The following SSUH2 variants were observed in gnomAD, a reference collection of about 807,000 sequenced individuals.
The protein encoded by SSUH2 is protein SSUH2 homolog.
A neutral mutation model predicts 55.3 loss-of-function variants in SSUH2; 47 were observed. That is an observed-to-expected ratio of 0.85 (90% CI 0.67 to 1.08). The LOEUF is 1.08. Ranked by LOEUF, SSUH2 falls within the 50% of genes least tolerant of loss-of-function variation. The probability of loss-of-function intolerance (pLI) is 0.00; values close to 1 mark genes in which losing one functional copy is unlikely to be tolerated. For missense variants in SSUH2, 535 were observed against 490.7 expected, an observed-to-expected ratio of 1.09 and a Z score of -0.85; for synonymous variants, 212 against 191.5, an observed-to-expected ratio of 1.11 and a Z score of -0.89.
intron 5 of SSUH2, 81 bp downstream of exon 5, chr3:8,631,968 C>A: frequency 8.8e-7 from 1 of 1,134,234 alleles, no homozygotes; most frequent in Non-Finnish European, 1.3e-6. Context: ...GAGATGAGTG[C>A]CTGAGCCAAG....
intron 3 of SSUH2, chr3:8,634,684 G>A (rs1180560272): frequency 2.2e-6 from 2 of 908,626 alleles, no homozygotes; most frequent in South Asian, 1.4e-5. Context: ...GGAGAAGGGG[G>A]TTGCTTCTGG....
At chr3:8,678,891 G>GC (rs1705680631) in intron 2 of SSUH2, among the ~76,000 whole-genome samples, 5 of 115,242 alleles carry the variant, frequency 4.3e-5, no homozygotes, top group Non-Finnish European at 1.0e-4. Context: ...CCCATTGCAA[G>GC]GGAGGGAGGC....
At chr3:8,634,384 T>C (rs1369566077) in intron 3 of SSUH2, 25 of 1,291,246 alleles carry the variant, frequency 1.9e-5, no homozygotes, top group Non-Finnish European at 2.5e-5. Flanking sequence ...CCTGAGGCCA[T>C]GCCACCCCCT....
chr3:8,628,956 C>A (rs923017537), intron 7 of SSUH2, among the ~76,000 whole-genome samples: 1 of 152,232 alleles, frequency 6.6e-6, no homozygotes, highest in Non-Finnish European at 1.5e-5. Flanking sequence ...CCTGGGTTCA[C>A]GCCTGTCTCC....
chr3:8,681,369 T>C (rs115906311), intron 1 of SSUH2, among the ~76,000 whole-genome samples: 9,226 of 116,284 alleles, frequency 0.079, 333 homozygotes, highest in African/African-American at 0.11. Context: ...GCCCCTTTTT[T>C]CCCCTGGCTC....
intron 7 of SSUH2, among the ~76,000 whole-genome samples, chr3:8,653,198 C>T (rs1702600830): frequency 6.6e-6 from 1 of 152,248 alleles, no homozygotes; most frequent in Non-Finnish European, 1.5e-5. Flanking sequence ...ATGTTAATCA[C>T]AGACCTCAGA....
Position 8,623,623 on chromosome 3 carries a change from T to C in SSUH2, c.907A>G (p.Ile303Val), listed in dbSNP as rs1032279799. ...YPIVDFPLRDISLASQRGIAE... is the reference protein window; with the variant it reads ...YPIVDFPLRDVSLASQRGIAE... ...ATGCCCCTCTGGGAGGCAAGAGAGA[T>C]GTCTCGCAGAGGGAAGTCCACGATG... Residue 303 changes from isoleucine to valine, a missense_variant, in exon 11 of 12, where the codon ATC becomes GTC. By Grantham distance (29) the Ile-to-Val change is conservative. Transcript: ENST00000544814. The C allele has an allele frequency of 5.8e-6, 9 of 1,542,966 alleles. No individual in the cohort carries two copies. The highest frequency in any genetic ancestry group is 1.7e-4 in the Middle Eastern group (1 of 5,974).
At chr3:8,628,441 T>G (rs1575085285) in intron 7 of SSUH2, among the ~76,000 whole-genome samples, 1 of 152,274 alleles carries the variant, frequency 6.6e-6, no homozygotes, top group South Asian at 2.1e-4. Context: ...ATGCCATGAG[T>G]AATGCCACTG....
At chr3:8,674,857 G>A (rs571757587) in intron 3 of SSUH2, among the ~76,000 whole-genome samples, 7 of 143,142 alleles carry the variant, frequency 4.9e-5, no homozygotes, top group Non-Finnish European at 9.3e-5. Context: ...CTGGCCAAGC[G>A]GTGGCCAAGG....
intron 3 of SSUH2, among the ~76,000 whole-genome samples, chr3:8,676,796 A>AT (rs1705345017): frequency 6.8e-6 from 1 of 147,020 alleles, no homozygotes; most frequent in African/African-American, 2.6e-5. Flanking sequence ...GGGGGGAGGC[A>AT]CCCCCAGTGA....
Position 8,678,857 on chromosome 3 carries a change from T to A in SSUH2, c.-901+848A>T, listed in dbSNP as rs1318648617. Among the ~76,000 whole-genome samples the A allele has an allele frequency of 1.7e-4, 18 of 107,868 alleles. 2 individuals are homozygous for A. In the East Asian group the frequency reaches 3.9e-3, roughly 24 times the overall value. 70.8% of individuals were successfully genotyped at this position (107,868 alleles called of 152,430 possible). ...GCGGGGACTGAGAACCAATCCCTCT[T>A]CCCCCAGCCTGGCTCTTAGGATCCC... On this transcript the variant is annotated intron_variant, in intron 2 of 18. Coordinates refer to the SSUH2 transcript ENST00000317371.
At chr3:8,668,401 A>G (rs1454227490) in intron 5 of SSUH2, among the ~76,000 whole-genome samples, 2 of 152,270 alleles carry the variant, frequency 1.3e-5, no homozygotes, top group African/African-American at 4.8e-5. Flanking sequence ...GTGACATCAT[A>G]AAATGATTCA....
chr3:8,669,252 T>C (rs908934740), intron 5 of SSUH2, among the ~76,000 whole-genome samples: 1 of 152,194 alleles, frequency 6.6e-6, no homozygotes, highest in Non-Finnish European at 1.5e-5. Context: ...GTGGCCAAAG[T>C]TGGAACAAAA....
At position 8,626,254 on chromosome 3, in the gene SSUH2, G is replaced by C; in HGVS notation, c.742C>G (p.His248Asp). Residue 248 changes from histidine to aspartate, a missense_variant, in exon 9 of 12, where the codon CAC becomes GAC. Physicochemically the swap from His to Asp is moderately conservative, Grantham distance 81. Coordinates refer to ENST00000544814, the MANE Select transcript of SSUH2 (RefSeq NM_001256748.3). The part of the protein sequence containing the change: ...ATCKGEKKLL[H>D]FIQLVIMWKN... ...CACATGATGACAAGCTGGATGAAGT[G>C]CAACAGCTTCTTCTCCCCCTTGCAG... is the stretch of plus-strand genomic sequence containing the variant. The C allele has an allele frequency of 6.2e-7, 1 of 1,614,036 alleles. No individual in the cohort carries two copies. Among genetic ancestry groups the C allele is most frequent in the South Asian group, 1.1e-5 (1 of 91,072 alleles).
Position 8,629,704 on chromosome 3 carries a change from C to T in SSUH2, c.548G>A (p.Arg183His), listed in dbSNP as rs113259595. ...LVKECHKCHG[R>H]GRYKCSGCHG... The stretch of plus-strand genomic sequence containing the variant: ...GCAGCCGCTGCACTTGTACCGCCCA[C>T]GCCCATGGCATTTGTGGCATTCCTG... The change falls in exon 7 of 12, where the codon CGT (arginine) becomes CAT (histidine). Residue 183 changes from arginine to histidine, a missense_variant. Arg to His is a conservative substitution (Grantham distance 29). Coordinates refer to ENST00000544814, the MANE Select transcript of SSUH2 (RefSeq NM_001256748.3). 1.9e-5 allele frequency: 30 copies of T among 1,590,450 alleles called. No homozygotes were observed. The highest frequency in any genetic ancestry group is 1.7e-4 in the Middle Eastern group (1 of 5,978).
intron 1 of SSUH2, among the ~76,000 whole-genome samples, chr3:8,636,469 G>A (rs951005119): frequency 1.3e-5 from 2 of 152,142 alleles, no homozygotes; most frequent in African/African-American, 4.8e-5. Flanking sequence ...ACCACGTGGA[G>A]CAGAAGAATC....
At chr3:8,629,330 A>G in intron 7 of SSUH2, 1 of 309,138 alleles carries the variant, frequency 3.2e-6, no homozygotes, top group Non-Finnish European at 5.9e-6. Flanking sequence ...CTGGCTGACA[A>G]AGACTGCCTG....
chr3:8,626,284 C>A lies in SSUH2; in HGVS notation c.712G>T (p.Ala238Ser). Residue 238 changes from alanine (A) to serine (S), a missense_variant, in exon 9 of 12, where the codon GCC becomes TCC. By Grantham distance (99) the Ala-to-Ser change is moderately conservative. Coordinates refer to ENST00000544814, the MANE Select transcript of SSUH2 (RefSeq NM_001256748.3). Reference sequence around the variant, plus strand: ...AGCTTCTTCTCCCCCTTGCAGGTGGCGCAGGTCTTGTTCCCTCTCCCTGAG... The same window carrying A: ...AGCTTCTTCTCCCCCTTGCAGGTGGAGCAGGTCTTGTTCCCTCTCCCTGAG... The part of the protein sequence containing the change: ...TCSGRGNKTC[A>S]TCKGEKKLLH... 1 of 1,614,110 alleles carries A rather than the reference C, an allele frequency of 6.2e-7. No individual in the cohort carries two copies. Among genetic ancestry groups the A allele is most frequent in the Non-Finnish European group, 8.5e-7 (1 of 1,180,000 alleles).
At chr3:8,661,782 A>C (rs556897411) in intron 6 of SSUH2, among the ~76,000 whole-genome samples, 5 of 152,180 alleles carry the variant, frequency 3.3e-5, no homozygotes, top group Non-Finnish European at 7.4e-5. Context: ...GCATACCGAT[A>C]TGGTTTGGCT....
Sources: allele counts gnomAD v4.1 joint callset (sites outside exome capture counted in the v4.1 genomes callset), GRCh38; gene constraint gnomAD v4.1.1; transcripts MANE v1.5; gene names NCBI Gene and HGNC (gene_info 2026-07-23, HGNC 2026-07-21).